The following SLC24A2 variants were observed in gnomAD, a reference collection of about 807,000 sequenced individuals.
The protein encoded by SLC24A2 is sodium/potassium/calcium exchanger 2.
In SLC24A2, 36 loss-of-function variants were observed where a neutral mutation model predicts 62.0. That is an observed-to-expected ratio of 0.58 (90% CI 0.44 to 0.77). The LOEUF is 0.77. Among genes scored for constraint, SLC24A2 ranks in the 30% least tolerant of loss-of-function variants. The pLI, the probability that SLC24A2 is intolerant of heterozygous loss-of-function variation, is 0.00. For synonymous variants in SLC24A2, 358 were observed against 294.0 expected (o/e 1.22, Z -2.23); for missense variants, 846 against 817.9 (o/e 1.03, Z -0.42).
At chr9:19,701,206 C>G (rs1021054487) in intron 2 of SLC24A2, among the ~76,000 whole-genome samples, 1 of 152,210 alleles carries the variant, frequency 6.6e-6, no homozygotes, top group Non-Finnish European at 1.5e-5. Flanking sequence ...AGGGGATGAT[C>G]TGCATGTACC....
At chr9:19,532,183 A>G (rs1176881549) in intron 8 of SLC24A2, among the ~76,000 whole-genome samples, 1 of 152,128 alleles carries the variant, frequency 6.6e-6, no homozygotes, top group African/African-American at 2.4e-5. Flanking sequence ...TGTGGGTTCA[A>G]GTGTTTCTCC....
chr9:19,927,732 G>C, the SLC24A2 span: 2 of 152,102 alleles, frequency 1.3e-5, no homozygotes, highest in Admixed American at 1.3e-4. Flanking sequence ...TGGCTCTGAC[G>C]GGAGAGCCAA....
chr9:19,651,287 A>G (rs1467797546), intron 2 of SLC24A2, among the ~76,000 whole-genome samples: 1 of 152,232 alleles, frequency 6.6e-6, no homozygotes, highest in Non-Finnish European at 1.5e-5. Context: ...AGCATGTTAC[A>G]TATATTGCCT....
At position 19,510,520 on chromosome 9, in the gene SLC24A2, A is replaced by C. The variant is rs1832678726; in HGVS notation, c.*5633T>G. ...TGGAGGGAGGCTTTTCTTGATGCTG[A>C]TGGTTGTTAATCATTGAGCTGGGTC... is the stretch of plus-strand genomic sequence containing the variant. On this transcript the variant is annotated 3_prime_UTR_variant, in exon 11 of 11. Transcript: ENST00000341998. The C allele has an allele frequency of 6.8e-6, 1 of 147,602 alleles. No homozygotes were observed. Among genetic ancestry groups the C allele is most frequent in the African/African-American group, 2.5e-5 (1 of 39,992 alleles). The allele number at this position is 147,602 out of a possible 1,614,324, so 9.1% of individuals were successfully genotyped here. A position where few individuals can be genotyped will look rare whatever the true frequency, so the allele number is the denominator to read the frequency against.
rs1832661781 is a variant in SLC24A2, at chr9:19,510,121, AT to A, written c.*6031del. The stretch of plus-strand genomic sequence containing the variant: ...ATTTTGAGTTCTTTGTGAGTCTGAG[AT>A]TATGACCTAATGACCTTAAAAGCAG... On this transcript the variant is annotated 3_prime_UTR_variant, in exon 11 of 11. Coordinates refer to ENST00000341998, the MANE Select transcript of SLC24A2 (RefSeq NM_020344.4). The A allele has an allele frequency of 6.6e-6, 1 of 152,144 alleles. No individual in the cohort carries two copies. The highest frequency in any genetic ancestry group is 1.5e-5 in the Non-Finnish European group (1 of 68,030). The allele number at this position is 152,144 out of a possible 1,614,324, so 9.4% of individuals were successfully genotyped here.
the SLC24A2 span, among the ~76,000 whole-genome samples, chr9:20,096,061 A>T: frequency 6.6e-6 from 1 of 151,438 alleles, no homozygotes; most frequent in Non-Finnish European, 1.5e-5. Context: ...CAGCCAAACC[A>T]TATCTGTATC....
chr9:19,536,249 G>A (rs577204769), intron 8 of SLC24A2, among the ~76,000 whole-genome samples: 9 of 144,190 alleles, frequency 6.2e-5, no homozygotes, highest in Non-Finnish European at 1.2e-4. Flanking sequence ...TGTGCACATT[G>A]TGCAGGTTAG....
chr9:20,250,533 T>G, the SLC24A2 span, among the ~76,000 whole-genome samples: 1 of 152,140 alleles, frequency 6.6e-6, no homozygotes, highest in Non-Finnish European at 1.5e-5. Flanking sequence ...CCTTGAAGAA[T>G]GAAAACTCAA....
the SLC24A2 span, among the ~76,000 whole-genome samples, chr9:20,035,440 T>C: frequency 6.6e-6 from 1 of 152,112 alleles, no homozygotes; most frequent in Admixed American, 6.5e-5. Context: ...AGACTTCCAA[T>C]GAAAAATGAA....
the SLC24A2 span, among the ~76,000 whole-genome samples, chr9:19,864,393 A>C: frequency 1.3e-5 from 2 of 151,994 alleles, no homozygotes; most frequent in Admixed American, 1.3e-4. Flanking sequence ...ACAAAAAACA[A>C]AAAACAAACA....
chr9:20,075,569 C>T, the SLC24A2 span, among the ~76,000 whole-genome samples: 1 of 152,138 alleles, frequency 6.6e-6, no homozygotes, highest in African/African-American at 2.4e-5. Context: ...CCTCCTTCAC[C>T]CTTTTTATAG....
chr9:19,533,401 T>C (rs1833800893), intron 8 of SLC24A2, among the ~76,000 whole-genome samples: 2 of 152,226 alleles, frequency 1.3e-5, no homozygotes, highest in African/African-American at 4.8e-5. Context: ...GCTGCTCCTC[T>C]CATCAAGAGG....
the SLC24A2 span, among the ~76,000 whole-genome samples, chr9:20,178,901 A>G: frequency 6.6e-6 from 1 of 152,172 alleles, no homozygotes; most frequent in Non-Finnish European, 1.5e-5. Context: ...GATGCTCAGA[A>G]TAACTACCCT....
intron 2 of SLC24A2, among the ~76,000 whole-genome samples, chr9:19,741,370 G>A (rs1242767020): frequency 6.6e-6 from 1 of 152,166 alleles, no homozygotes; most frequent in Non-Finnish European, 1.5e-5. Context: ...TGCACTTCCT[G>A]TTTCCTGATT....
At chr9:19,526,045 C>G (rs1043245010) in intron 9 of SLC24A2, among the ~76,000 whole-genome samples, 1 of 152,056 alleles carries the variant, frequency 6.6e-6, no homozygotes, top group Non-Finnish European at 1.5e-5. Flanking sequence ...TAATATTAAC[C>G]TATTATATGT....
the SLC24A2 span, among the ~76,000 whole-genome samples, chr9:20,133,434 C>T: frequency 1.3e-5 from 2 of 152,148 alleles, no homozygotes; most frequent in Middle Eastern, 6.8e-3. Context: ...TTTAAAAAAT[C>T]AGTTTTTCTT....
chr9:19,970,136 C>T, the SLC24A2 span, among the ~76,000 whole-genome samples: 1 of 152,160 alleles, frequency 6.6e-6, no homozygotes, highest in Non-Finnish European at 1.5e-5. Context: ...CCCCATCACC[C>T]CTCCACGCAT....
At chr9:20,102,452 T>G in the SLC24A2 span, among the ~76,000 whole-genome samples, 1 of 121,660 alleles carries the variant, frequency 8.2e-6, no homozygotes, top group Non-Finnish European at 1.6e-5. Flanking sequence ...TGAGAACACA[T>G]AGACACAGGG....
chr9:20,195,314 G>A, the SLC24A2 span, among the ~76,000 whole-genome samples: 1 of 152,068 alleles, frequency 6.6e-6, no homozygotes, highest in East Asian at 1.9e-4. Flanking sequence ...GGCATTTATA[G>A]TCCAATCAGT....
Sources: gnomAD v4.1 joint callset for allele counts (sites outside exome capture counted in the v4.1 genomes callset) on GRCh38, gnomAD v4.1.1 for gene constraint, MANE v1.5 for transcripts, NCBI Gene and HGNC (gene_info 2026-07-23, HGNC 2026-07-21) for gene names.